Variants in ADGRD1 observed in about 807,000 individuals in gnomAD.
ADGRD1 encodes the protein G-protein coupled receptor 133.
A neutral mutation model predicts 113.4 loss-of-function variants in ADGRD1; 77 were observed. The observed-to-expected ratio is 0.68, with a 90% CI of 0.57 to 0.82. The LOEUF (loss-of-function observed/expected upper bound fraction) is 0.82, where lower values mean the gene tolerates loss of function less well. Among genes scored for constraint, ADGRD1 ranks in the 40% least tolerant of loss-of-function variants. The pLI, the probability that ADGRD1 is intolerant of heterozygous loss-of-function variation, is 0.00. For missense variants in ADGRD1, 1,036 were observed against 1,139.1 expected (o/e 0.91, Z 1.30); for synonymous variants, 474 against 475.0 (o/e 1.00, Z 0.03).
At chr12:130,959,454 C>T (rs1237032378) in intron 2 of ADGRD1, among the ~76,000 whole-genome samples, 3 of 152,134 alleles carry the variant, frequency 2.0e-5, no homozygotes, top group Non-Finnish European at 2.9e-5. Context: ...GCCTCTAGTC[C>T]CAGCTACTTG....
intron 14 of ADGRD1, among the ~76,000 whole-genome samples, chr12:131,081,259 T>C (rs1306711595): frequency 1.3e-5 from 2 of 152,218 alleles, no homozygotes; most frequent in African/African-American, 4.8e-5. Context: ...TTAATTGACA[T>C]GTTTAGACAA....
intron 13 of ADGRD1, among the ~76,000 whole-genome samples, chr12:131,044,370 A>G (rs536394919): frequency 2.8e-4 from 42 of 152,252 alleles, no homozygotes; most frequent in African/African-American, 9.4e-4. Flanking sequence ...GCTCCCAGGA[A>G]CCCGTCCACC....
At chr12:131,056,490 C>A (rs559280667) in intron 13 of ADGRD1, among the ~76,000 whole-genome samples, 4 of 152,246 alleles carry the variant, frequency 2.6e-5, no homozygotes, top group Non-Finnish European at 5.9e-5. Flanking sequence ...TGGAGCCCAT[C>A]ATTGCTGAGG....
In ADGRD1 at chr12:131,003,087, A is replaced by C; in HGVS notation, c.1027-98A>C. On this transcript the variant is annotated intron_variant, in intron 9 of 24. Transcript: ENST00000261654. The surrounding 1 kb of genome is among the most constrained non-coding windows in gnomAD (Gnocchi z 4.8). ...GTGACTTCTTCCTCCCTCGTGGCCA[A>C]CGTGGGGAAACTTGATTTTGTGTGC... is the stretch of plus-strand genomic sequence containing the variant. 2.1e-6 allele frequency: 2 copies of C among 973,616 alleles called. No individual in the cohort carries two copies. Among genetic ancestry groups the C allele is most frequent in the Non-Finnish European group, 3.3e-6 (2 of 606,008 alleles). The allele number at this position is 973,616 out of a possible 1,614,324, so 60.3% of individuals were successfully genotyped here.
rs937682180 is a variant in ADGRD1, at chr12:130,971,657, G to A, written c.310+77G>A. On this transcript the variant is annotated intron_variant, in intron 4 of 24. Coordinates refer to ENST00000261654, the MANE Select transcript of ADGRD1 (RefSeq NM_198827.5). The surrounding 1 kb of genome is among the most constrained non-coding windows in gnomAD (Gnocchi z 4.2). ...GCACCTGCTCCTCTGGTGACTGGAA[G>A]ATGTGAACCTGAGGTTCTCATCAAT... 1.4e-6 allele frequency: 2 copies of A among 1,462,262 alleles called. No individual in the cohort carries two copies. The highest frequency in any genetic ancestry group is 9.3e-7 in the Non-Finnish European group (1 of 1,078,876). 90.6% of individuals were successfully genotyped at this position (1,462,262 alleles called of 1,614,324 possible). A position where few individuals can be genotyped will look rare whatever the true frequency, so the allele number is the denominator to read the frequency against.
At chr12:131,129,675 C>T (rs1008367058) in intron 20 of ADGRD1, among the ~76,000 whole-genome samples, 11 of 152,226 alleles carry the variant, frequency 7.2e-5, no homozygotes, top group African/African-American at 2.2e-4. Flanking sequence ...GAAATCTCCA[C>T]TCCCAAAACA....
chr12:131,138,945 G>A (rs548751525), intron 24 of ADGRD1, among the ~76,000 whole-genome samples: 2 of 152,304 alleles, frequency 1.3e-5, no homozygotes, highest in South Asian at 4.1e-4. Context: ...CGCCTGCAGT[G>A]CCCTTAAGGG....
At chr12:131,103,767 G>A (rs1015960842) in intron 15 of ADGRD1, among the ~76,000 whole-genome samples, 1 of 152,246 alleles carries the variant, frequency 6.6e-6, no homozygotes, top group South Asian at 2.1e-4. Context: ...ACGGGGGGAC[G>A]TGGGTCTGGG....
intron 18 of ADGRD1, among the ~76,000 whole-genome samples, chr12:131,112,651 G>A (rs942730767): frequency 6.6e-6 from 1 of 152,240 alleles, no homozygotes; most frequent in Non-Finnish European, 1.5e-5. Flanking sequence ...GCACTTTGGA[G>A]TTCTCTAACC....
At chr12:131,134,367 T>C (rs1167496771) in intron 21 of ADGRD1, among the ~76,000 whole-genome samples, 2 of 152,366 alleles carry the variant, frequency 1.3e-5, no homozygotes, top group East Asian at 3.9e-4. Flanking sequence ...CTGGCCGTGT[T>C]GAGAGTCCGC....
chr12:131,104,986 C>T (rs762316855), intron 16 of ADGRD1, 52 bp downstream of exon 16: 29 of 1,250,848 alleles, frequency 2.3e-5, no homozygotes, highest in Middle Eastern at 3.7e-4. Context: ...CTGCCTGCAC[C>T]CAGATCTCAA....
At chr12:131,125,406 TG>T (rs978620171) in intron 20 of ADGRD1, among the ~76,000 whole-genome samples, 1 of 152,030 alleles carries the variant, frequency 6.6e-6, no homozygotes, top group Non-Finnish European at 1.5e-5. Flanking sequence ...CCTCCAGGTC[TG>T]GGGAAGAGAA....
chr12:131,076,823 C>T lies in ADGRD1; in HGVS notation c.1496C>T (p.Ala499Val), dbSNP rs776657456. 4 of 1,613,994 alleles carry T rather than the reference C, an allele frequency of 2.5e-6. No individual in the cohort carries two copies. The African/African-American group carries it at 5.3e-5, about 22-fold the overall frequency. Residue 499 changes from alanine to valine, a missense_variant, in exon 14 of 25, where the codon GCC becomes GTC. Coordinates refer to ENST00000261654, the MANE Select transcript of ADGRD1 (RefSeq NM_198827.5). ...HRLTRKQHSE[A>V]TNSSNRVFVY... ...CAGACACGTAAGCAGCACAGTGAGG[C>T]CACCAACAGCAGCAACCGAGTCTTC...
At chr12:131,118,506 G>T (rs1950519071) in intron 19 of ADGRD1, 55 bp downstream of exon 19, 3 of 1,365,802 alleles carry the variant, frequency 2.2e-6, no homozygotes, top group South Asian at 2.6e-5. Context: ...ACAGCTTGTG[G>T]CGAGAGCCCC....
At chr12:131,040,584 G>A (rs1303529224) in intron 13 of ADGRD1, among the ~76,000 whole-genome samples, 1 of 152,264 alleles carries the variant, frequency 6.6e-6, no homozygotes, top group East Asian at 1.9e-4. Flanking sequence ...AGCCAGGGCA[G>A]GGAACTAATA....
At chr12:131,085,657 G>A (rs1886410160) in intron 15 of ADGRD1, among the ~76,000 whole-genome samples, 2 of 152,296 alleles carry the variant, frequency 1.3e-5, no homozygotes. Context: ...TGTCGGTTGC[G>A]CTCACAGAAG....
At chr12:130,986,326 C>T (rs1873669105) in intron 5 of ADGRD1, among the ~76,000 whole-genome samples, 2 of 151,868 alleles carry the variant, frequency 1.3e-5, no homozygotes, top group South Asian at 4.1e-4. Flanking sequence ...TAATTTCTTT[C>T]ATCAGAGTTA....
Position 131,075,273 on chromosome 12 carries a change from C to T in ADGRD1, c.1474-1528C>T, listed in dbSNP as rs146600544. Among the ~76,000 whole-genome samples the T allele has an allele frequency of 5.9e-5, 9 of 152,228 alleles. No individual in the cohort carries two copies. In the East Asian group the frequency reaches 1.2e-3, roughly 20 times the overall value. ...CCAAGGAAGCCTCATTACACCCCTC[C>T]GAGAACCAGGCTGTGGCCACCAGGT... On this transcript the variant is annotated intron_variant, in intron 13 of 24. Coordinates refer to ENST00000261654, the MANE Select transcript of ADGRD1 (RefSeq NM_198827.5). This position sits in a 1 kb window ranked among gnomAD's most constrained non-coding sequence, Gnocchi z 5.3.
In ADGRD1 at chr12:130,971,456, A is replaced by T. The variant is rs1166640230; in HGVS notation, c.188-2A>T. The T allele has an allele frequency of 6.2e-7, 1 of 1,612,688 alleles. No individual in the cohort carries two copies. The highest frequency in any genetic ancestry group is 1.7e-5 in the Admixed American group (1 of 59,856). On this transcript the variant is annotated splice_acceptor_variant, in intron 3 of 24. Transcript: ENST00000261654. LOFTEE classifies it high-confidence loss of function. The surrounding 1 kb of genome is among the most constrained non-coding windows in gnomAD (Gnocchi z 4.2). ...TATGATGTTGTCATTTTTCTTCCTT[A>T]GATATTGTGGAAGGGAAGGTCAACA...
Sources: gnomAD v4.1 joint callset for allele counts (sites outside exome capture counted in the v4.1 genomes callset) on GRCh38, gnomAD v4.1.1 for gene constraint, Gnocchi (gnomAD v3.1) non-coding constraint, MANE v1.5 for transcripts, NCBI Gene and HGNC (gene_info 2026-07-23, HGNC 2026-07-21) for gene names.